SYTL3: variants seen among roughly 807,000 people sequenced by gnomAD.
SYTL3 encodes synaptotagmin like 3.
Under a neutral mutation model 82.1 loss-of-function variants are expected in SYTL3, and 88 were observed. The observed-to-expected ratio is 1.07, with a 90% CI of 0.90 to 1.28. The LOEUF is 1.28. Among genes scored for constraint, SYTL3 ranks in the 50% most tolerant of loss-of-function variants. The probability of loss-of-function intolerance (pLI) is 0.00; values close to 1 mark genes in which losing one functional copy is unlikely to be tolerated. For synonymous variants in SYTL3, 311 were observed against 289.4 expected (o/e 1.07, Z -0.76); for missense variants, 831 against 757.6 (o/e 1.10, Z -1.14).
intron 13 of SYTL3, among the ~76,000 whole-genome samples, chr6:158,754,229 C>G (rs1352387967): frequency 6.6e-6 from 1 of 152,156 alleles, no homozygotes; most frequent in African/African-American, 2.4e-5. Flanking sequence ...CTTGGCAAGC[C>G]TTTCTGGACC....
intron 16 of SYTL3, 64 bp downstream of exon 16, chr6:158,762,242 A>G (rs774623204): frequency 7.8e-5 from 93 of 1,189,440 alleles, no homozygotes; most frequent in Non-Finnish European, 1.1e-4. Flanking sequence ...ATGGCCCAGA[A>G]CCTGCAGCGA....
At chr6:158,762,043 T>C (rs749167067) in intron 15 of SYTL3, 33 bp from the exon 16 acceptor site, 25 of 1,513,460 alleles carry the variant, frequency 1.7e-5, no homozygotes, top group Non-Finnish European at 2.8e-6. Flanking sequence ...TCAGGAGACA[T>C]GGTTTGACAG....
chr6:158,762,400 A>G (rs1790098543), intron 16 of SYTL3, among the ~76,000 whole-genome samples: 1 of 152,112 alleles, frequency 6.6e-6, no homozygotes. Flanking sequence ...CAGTTCTGTG[A>G]TATCAGGAAG....
At chr6:158,738,855 G>A (rs775312099) in intron 11 of SYTL3, among the ~76,000 whole-genome samples, 4 of 152,082 alleles carry the variant, frequency 2.6e-5, no homozygotes, top group Non-Finnish European at 5.9e-5. Flanking sequence ...ACAGGGTTTC[G>A]CCATGTTGGC....
At chr6:158,652,336 C>T (rs1307295299) in intron 2 of SYTL3, among the ~76,000 whole-genome samples, 2 of 152,184 alleles carry the variant, frequency 1.3e-5, no homozygotes, top group Non-Finnish European at 2.9e-5. Flanking sequence ...GCAAGCTCTG[C>T]CTCCCGGGTT....
intron 9 of SYTL3, among the ~76,000 whole-genome samples, chr6:158,716,504 C>G (rs9456343): frequency 6.6e-6 from 1 of 151,962 alleles, no homozygotes; most frequent in Non-Finnish European, 1.5e-5. Context: ...GGACCTGGTG[C>G]GTACTAGTGC....
chr6:158,758,392 T>G (rs545218358), intron 14 of SYTL3, among the ~76,000 whole-genome samples: 1 of 149,774 alleles, frequency 6.7e-6, no homozygotes, highest in East Asian at 2.0e-4. Context: ...GAGTCGAGAT[T>G]GCACCACTGC....
intron 5 of SYTL3, among the ~76,000 whole-genome samples, chr6:158,673,602 C>CGG: frequency 1.3e-5 from 2 of 151,350 alleles, no homozygotes; most frequent in Non-Finnish European, 3.0e-5. Flanking sequence ...ACCATGCCCC[C>CGG]CTAATTTTTT....
chr6:158,675,274 T>A lies in SYTL3; in HGVS notation c.330-7651T>A, dbSNP rs1054032744. 2.6e-5 allele frequency among the ~76,000 whole-genome samples: 4 copies of A among 152,162 alleles called. No individual in the cohort carries two copies. In the South Asian group the frequency reaches 8.3e-4, roughly 32 times the overall value. ...TGGATGTGACAGAGAGGGGGGCACC[T>A]GCCTTCTCTCTGAGGTTAAGCAAGG... On this transcript the variant is annotated intron_variant, in intron 5 of 17. Coordinates refer to ENST00000611299, the MANE Select transcript of SYTL3 (RefSeq NM_001242394.2).
At chr6:158,715,641 C>T (rs1324806511) in intron 9 of SYTL3, among the ~76,000 whole-genome samples, 1 of 50,802 alleles carries the variant, frequency 2.0e-5, no homozygotes, top group Admixed American at 1.7e-4. Flanking sequence ...CCCCCCATAC[C>T]CCCCCACCAC....
intron 14 of SYTL3, among the ~76,000 whole-genome samples, chr6:158,760,265 A>G (rs1789730086): frequency 6.6e-6 from 1 of 152,058 alleles, no homozygotes; most frequent in African/African-American, 2.4e-5. Context: ...GTGAATCTCT[A>G]CTGACCTGGG....
At chr6:158,680,641 A>G (rs1024972465) in intron 5 of SYTL3, among the ~76,000 whole-genome samples, 4 of 151,226 alleles carry the variant, frequency 2.6e-5, no homozygotes, top group African/African-American at 7.3e-5. Context: ...AGTGTCAGCT[A>G]CTCAGGAGAC....
intron 5 of SYTL3, among the ~76,000 whole-genome samples, chr6:158,681,416 G>A (rs900190248): frequency 1.3e-5 from 2 of 152,080 alleles, no homozygotes; most frequent in Non-Finnish European, 2.9e-5. Context: ...GCCAAACAGG[G>A]CTCCTTTCCC....
intron 6 of SYTL3, 76 bp downstream of exon 6, chr6:158,683,065 G>A (rs1292200063): frequency 1.8e-6 from 2 of 1,115,460 alleles, no homozygotes; most frequent in East Asian, 2.5e-5. Context: ...TAAGACTTTG[G>A]AATATAAGCA....
intron 12 of SYTL3, among the ~76,000 whole-genome samples, chr6:158,749,003 C>T (rs1788013601): frequency 6.6e-6 from 1 of 151,906 alleles, no homozygotes; most frequent in African/African-American, 2.4e-5. Flanking sequence ...GGTGGATCAC[C>T]TGAGGGTCAG....
At chr6:158,694,058 G>A (rs1261058293) in intron 6 of SYTL3, among the ~76,000 whole-genome samples, 2 of 151,938 alleles carry the variant, frequency 1.3e-5, no homozygotes, top group Non-Finnish European at 2.9e-5. Context: ...TCCTTAAGAG[G>A]AAAGATAAAC....
At position 158,764,530 on chromosome 6, in the gene SYTL3, C is replaced by T. The variant is rs760537787; in HGVS notation, c.1759C>T (p.Leu587=). The change falls in exon 18 of 18, where the codon CTA becomes TTA. Residue 587 remains leucine, a synonymous_variant. Transcript: ENST00000611299. ...AGCTGTTGGCGGGGATGCATGCTCACTATCGAAGCTCCAGTGGCAGAAAGT... is the reference window on the plus strand; with the variant it reads ...AGCTGTTGGCGGGGATGCATGCTCATTATCGAAGCTCCAGTGGCAGAAAGT... The part of the protein sequence containing the change: ...DTAVGGDACS[L]SKLQWQKVLS... The T allele has an allele frequency of 6.8e-6, 11 of 1,614,100 alleles. No homozygotes were observed. Among genetic ancestry groups the T allele is most frequent in the South Asian group, 4.4e-5 (4 of 91,082 alleles).
chr6:158,760,707 T>C lies in SYTL3; in HGVS notation c.1376T>C (p.Leu459Pro). ...CTCACAGTCCGGGCTAAGCTGGTTC[T>C]CCCTTCACGGCCCAGAAAACTCCAA... ...GELTVRAKLV[L>P]PSRPRKLQEA... Residue 459 changes from leucine to proline, a missense_variant, in exon 15 of 18, where the codon CTC becomes CCC. Leu to Pro is a moderately conservative substitution (Grantham distance 98). Coordinates refer to ENST00000611299, the MANE Select transcript of SYTL3 (RefSeq NM_001242394.2). 1 of 1,614,144 alleles carries C rather than the reference T, an allele frequency of 6.2e-7. No homozygotes were observed. The highest frequency in any genetic ancestry group is 8.5e-7 in the Non-Finnish European group (1 of 1,179,990).
At chr6:158,741,565 C>G (rs760741972) in intron 11 of SYTL3, among the ~76,000 whole-genome samples, 1 of 152,198 alleles carries the variant, frequency 6.6e-6, no homozygotes, top group Non-Finnish European at 1.5e-5. Flanking sequence ...AGACTGACAG[C>G]AGACCACCAA....
Sources: allele counts gnomAD v4.1 joint callset (sites outside exome capture counted in the v4.1 genomes callset), GRCh38; gene constraint gnomAD v4.1.1; transcripts MANE v1.5; gene names NCBI Gene and HGNC (gene_info 2026-07-23, HGNC 2026-07-21).